ARHGAP15: variants seen among roughly 807,000 people sequenced by gnomAD.
ARHGAP15 encodes the protein Rho GTPase activating protein 15.
A neutral mutation model predicts 63.7 loss-of-function variants in ARHGAP15; 51 were observed. The ratio of observed to expected loss-of-function variants is 0.80; its 90% CI spans 0.64 to 1.01. ARHGAP15 has a LOEUF of 1.01. Among genes scored for constraint, ARHGAP15 ranks in the 50% least tolerant of loss-of-function variants. The pLI is 0.00. For synonymous variants in ARHGAP15, 191 were observed against 193.8 expected, an observed-to-expected ratio of 0.99 and a Z score of 0.12; for missense variants, 560 against 564.6, an observed-to-expected ratio of 0.99 and a Z score of 0.08.
chr2:143,374,883 T>G (rs970797908), intron 6 of ARHGAP15, among the ~76,000 whole-genome samples: 8 of 152,204 alleles, frequency 5.3e-5, no homozygotes, highest in Non-Finnish European at 1.2e-4. Context: ...CCTTTTCCCA[T>G]TTTATAATCT....
At chr2:143,474,065 C>T (rs138638611) in intron 8 of ARHGAP15, among the ~76,000 whole-genome samples, 123 of 152,226 alleles carry the variant, frequency 8.1e-4, no homozygotes, top group African/African-American at 2.8e-3. Flanking sequence ...ATATTCCCTC[C>T]TAGCTTAGGC....
At chr2:143,498,083 G>A (rs1692897853) in intron 9 of ARHGAP15, among the ~76,000 whole-genome samples, 1 of 152,106 alleles carries the variant, frequency 6.6e-6, no homozygotes, top group Non-Finnish European at 1.5e-5. Flanking sequence ...TAGCATCACT[G>A]ACAGTTTGGC....
intron 12 of ARHGAP15, among the ~76,000 whole-genome samples, chr2:143,667,120 C>T (rs1175141593): frequency 6.6e-6 from 1 of 150,768 alleles, no homozygotes; most frequent in Non-Finnish European, 1.5e-5. Context: ...CACATGCACA[C>T]GTATGTTTAT....
intron 2 of ARHGAP15, among the ~76,000 whole-genome samples, chr2:143,188,382 TA>T (rs1402910259): frequency 6.6e-6 from 1 of 151,910 alleles, no homozygotes; most frequent in Non-Finnish European, 1.5e-5. Flanking sequence ...TAACTATAGC[TA>T]TTTTTCCAAA....
At chr2:143,630,240 T>C (rs1261006112) in intron 12 of ARHGAP15, among the ~76,000 whole-genome samples, 2 of 152,156 alleles carry the variant, frequency 1.3e-5, no homozygotes, top group African/African-American at 4.8e-5. Context: ...AATGTTGACT[T>C]CTCTGGGTAC....
chr2:143,739,959 C>T (rs1214603063), intron 13 of ARHGAP15, among the ~76,000 whole-genome samples: 1 of 152,136 alleles, frequency 6.6e-6, no homozygotes, highest in Non-Finnish European at 1.5e-5. Context: ...GTCATTCTGC[C>T]CCAACACTCT....
At chr2:143,542,746 GATATATATAATATCACATATATAA>G (rs1559040472) in intron 10 of ARHGAP15, among the ~76,000 whole-genome samples, 2,840 of 90,868 alleles carry the variant, frequency 0.031, 97 homozygotes, top group Non-Finnish European at 0.056. Context: ...ATATATATAT[GATATATATAATATCACATATATAA>G]TATATATATG....
rs116131399 is a variant in ARHGAP15, at chr2:143,216,518, T to C, written c.296+73T>C. 6.1e-4 allele frequency: 678 copies of C among 1,118,286 alleles called. 5 individuals carry two copies. In the African/African-American group the frequency reaches 9.7e-3, roughly 16 times the overall value. The allele number at this position is 1,118,286 out of a possible 1,614,324, so 69.3% of individuals were successfully genotyped here. ...ATATGCTAAACTTGTGCCACTGTTA[T>C]TGTTTGGGATGCAAGTCCCTATGGT... On this transcript the variant is annotated intron_variant, in intron 4 of 13. Transcript: ENST00000295095.
intron 13 of ARHGAP15, among the ~76,000 whole-genome samples, chr2:143,710,347 A>C (rs1684526539): frequency 6.6e-6 from 1 of 152,168 alleles, no homozygotes; most frequent in Admixed American, 6.5e-5. Context: ...GGTAGTTAAG[A>C]AAATTAATTA....
At chr2:143,281,737 C>A (rs1681860919) in intron 6 of ARHGAP15, among the ~76,000 whole-genome samples, 1 of 152,072 alleles carries the variant, frequency 6.6e-6, no homozygotes, top group Non-Finnish European at 1.5e-5. Flanking sequence ...GTTGCAGATA[C>A]CTCATCTTCA....
At chr2:143,525,991 A>G (rs1201401176) in intron 10 of ARHGAP15, among the ~76,000 whole-genome samples, 3 of 152,174 alleles carry the variant, frequency 2.0e-5, no homozygotes, top group African/African-American at 7.2e-5. Context: ...TCTCTGCCAT[A>G]GGTACCTGAT....
intron 6 of ARHGAP15, among the ~76,000 whole-genome samples, chr2:143,431,850 A>C (rs905770612): frequency 6.6e-6 from 1 of 151,910 alleles, no homozygotes; most frequent in Non-Finnish European, 1.5e-5. Context: ...TCTGTACATG[A>C]AATTATTTGT....
intron 13 of ARHGAP15, among the ~76,000 whole-genome samples, chr2:143,753,482 A>G (rs555990028): frequency 1.3e-5 from 2 of 152,210 alleles, no homozygotes; most frequent in Non-Finnish European, 2.9e-5. Context: ...AGTTCTACGT[A>G]CCGGACGATA....
At chr2:143,192,176 C>G (rs1691709388) in intron 2 of ARHGAP15, among the ~76,000 whole-genome samples, 1 of 152,206 alleles carries the variant, frequency 6.6e-6, no homozygotes, top group Admixed American at 6.5e-5. Flanking sequence ...GGTATTTATG[C>G]ACTTCTGGCT....
At chr2:143,228,853 A>T (rs1472210668) in intron 5 of ARHGAP15, among the ~76,000 whole-genome samples, 185 bp downstream of exon 5, 1 of 152,170 alleles carries the variant, frequency 6.6e-6, no homozygotes, top group Non-Finnish European at 1.5e-5. Context: ...CTGTTTTATT[A>T]AGTGGTGCAT....
chr2:143,743,837 A>G (rs1686058581), intron 13 of ARHGAP15, among the ~76,000 whole-genome samples: 2 of 151,188 alleles, frequency 1.3e-5, no homozygotes, highest in Admixed American at 1.4e-4. Flanking sequence ...GAAAGAAAAT[A>G]AAGTCCTTAG....
intron 12 of ARHGAP15, among the ~76,000 whole-genome samples, chr2:143,671,661 A>G (rs570300962): frequency 1.0e-3 from 155 of 152,346 alleles, no homozygotes; most frequent in Middle Eastern, 3.4e-3. Context: ...AACATGAAAA[A>G]TGACCTACAG....
chr2:143,699,368 T>C (rs944794661), intron 12 of ARHGAP15, among the ~76,000 whole-genome samples: 5 of 152,192 alleles, frequency 3.3e-5, no homozygotes, highest in Non-Finnish European at 5.9e-5. Flanking sequence ...CATGGTACAC[T>C]TCCCCATTTA....
At chr2:143,374,016 G>A (rs1204929988) in intron 6 of ARHGAP15, among the ~76,000 whole-genome samples, 1 of 152,108 alleles carries the variant, frequency 6.6e-6, no homozygotes, top group Non-Finnish European at 1.5e-5. Flanking sequence ...TTAAAAACAG[G>A]TCTATAACAA....
Sources: allele counts gnomAD v4.1 joint callset (sites outside exome capture counted in the v4.1 genomes callset), GRCh38; gene constraint gnomAD v4.1.1; transcripts MANE v1.5; gene names NCBI Gene and HGNC (gene_info 2026-07-23, HGNC 2026-07-21).